ATP6V1H: variants seen among roughly 807,000 people sequenced by gnomAD.
The protein encoded by ATP6V1H is ATPase H+ transporting V1 subunit H, also known as V-type proton ATPase subunit H.
Under a neutral mutation model 71.7 loss-of-function variants are expected in ATP6V1H, and 39 were observed. That is an observed-to-expected ratio of 0.54 (90% CI 0.42 to 0.71). The LOEUF (loss-of-function observed/expected upper bound fraction) is 0.71, where lower values mean the gene tolerates loss of function less well. Ranked by LOEUF, ATP6V1H falls within the 30% of genes least tolerant of loss-of-function variation. The pLI, the probability that ATP6V1H is intolerant of heterozygous loss-of-function variation, is 0.00. For synonymous variants in ATP6V1H, 192 were observed against 199.3 expected (o/e 0.96, Z 0.31); for missense variants, 509 against 594.9 (o/e 0.86, Z 1.50).
intron 13 of ATP6V1H, among the ~76,000 whole-genome samples, chr8:53,726,963 G>A (rs911243732): frequency 2.0e-5 from 3 of 152,168 alleles, no homozygotes; most frequent in Admixed American, 6.5e-5. Context: ...ACACTTATTC[G>A]GCATGAATTG....
At position 53,804,500 on chromosome 8, in the gene ATP6V1H, T is replaced by C. The variant is rs139073921; in HGVS notation, c.580-2604A>G. Among the ~76,000 whole-genome samples the C allele has an allele frequency of 5.3e-5, 8 of 152,164 alleles. No individual in the cohort carries two copies. The East Asian group carries it at 1.6e-3, about 29-fold the overall frequency. ...GACCAGCCTGGCCAACATGGCAAAG[T>C]CCTGTCTCTACTAAACATACAAAAA... is the stretch of plus-strand genomic sequence containing the variant. On this transcript the variant is annotated intron_variant, in intron 7 of 13. Coordinates refer to ENST00000359530, the MANE Select transcript of ATP6V1H (RefSeq NM_015941.4).
chr8:53,796,506 C>A (rs1379506402), intron 8 of ATP6V1H, among the ~76,000 whole-genome samples: 7 of 143,280 alleles, frequency 4.9e-5, no homozygotes, highest in Admixed American at 6.8e-5. Context: ...GTTCAGAAAT[C>A]ATCAAATAAA....
chr8:53,754,747 G>A (rs1205189435), intron 12 of ATP6V1H, among the ~76,000 whole-genome samples: 1 of 152,228 alleles, frequency 6.6e-6, no homozygotes, highest in Non-Finnish European at 1.5e-5. Context: ...GTTTATCATT[G>A]CTGGGGCCAC....
chr8:53,757,862 G>C (rs1421158858), intron 11 of ATP6V1H, among the ~76,000 whole-genome samples: 2 of 152,152 alleles, frequency 1.3e-5, no homozygotes, highest in East Asian at 1.9e-4. Context: ...CATGTTAAAT[G>C]ACTTCAAGCC....
At chr8:53,779,894 C>T (rs1809039958) in intron 9 of ATP6V1H, among the ~76,000 whole-genome samples, 1 of 152,102 alleles carries the variant, frequency 6.6e-6, no homozygotes, top group African/African-American at 2.4e-5. Flanking sequence ...CTTGATGGCT[C>T]ACACCTATAA....
At chr8:53,747,279 T>C (rs1807634941) in intron 12 of ATP6V1H, among the ~76,000 whole-genome samples, 1 of 152,202 alleles carries the variant, frequency 6.6e-6, no homozygotes, top group Admixed American at 6.5e-5. Flanking sequence ...AGTTGCACAA[T>C]GCTACTTATA....
chr8:53,801,750 G>A (rs1465096178), intron 8 of ATP6V1H, 49 bp downstream of exon 8: 5 of 1,415,886 alleles, frequency 3.5e-6, no homozygotes, highest in Non-Finnish European at 5.0e-6. Flanking sequence ...AAATGTCAAG[G>A]AGAGATGCTT....
At chr8:53,762,015 C>T (rs1362750666) in intron 11 of ATP6V1H, among the ~76,000 whole-genome samples, 3 of 152,092 alleles carry the variant, frequency 2.0e-5, no homozygotes, top group South Asian at 2.1e-4. Context: ...CTATTTATAC[C>T]GGTATTTTTA....
At chr8:53,733,883 T>C (rs534998852) in intron 13 of ATP6V1H, among the ~76,000 whole-genome samples, 3 of 152,248 alleles carry the variant, frequency 2.0e-5, no homozygotes, top group African/African-American at 7.2e-5. Flanking sequence ...TTACACTATA[T>C]GCATCAGAGA....
At chr8:53,818,864 T>C (rs181363589) in intron 4 of ATP6V1H, among the ~76,000 whole-genome samples, 2 of 152,282 alleles carry the variant, frequency 1.3e-5, no homozygotes, top group Non-Finnish European at 2.9e-5. Flanking sequence ...TAAAGGTATA[T>C]ATAAACTTTT....
rs1233311790 is a variant in ATP6V1H at position 53,765,451 on chromosome 8, AACAACACACACACAC to A, written c.1175+4152_1175+4166del. Among the ~76,000 whole-genome samples, 225 of 93,152 alleles carry A rather than the reference AACAACACACACACAC, an allele frequency of 2.4e-3. 3 individuals carry two copies. The highest frequency in any genetic ancestry group is 8.0e-3 in the African/African-American group (182 of 22,668). 61.1% of individuals were successfully genotyped at this position (93,152 alleles called of 152,430 possible). Reference sequence around the variant, plus strand: ...GGGGAGGGTGGTGGACAACAACAACAACAACACACACACACACACACACACACACACACACACACA... The same window carrying A: ...GGGGAGGGTGGTGGACAACAACAACAACACACACACACACACACACACACA... On this transcript the variant is annotated intron_variant, in intron 11 of 13. Transcript: ENST00000359530.
chr8:53,717,430 A>G (rs1487747724), intron 13 of ATP6V1H, among the ~76,000 whole-genome samples: 1 of 152,248 alleles, frequency 6.6e-6, no homozygotes, highest in Non-Finnish European at 1.5e-5. Flanking sequence ...ATCCCAGGAC[A>G]TGAAAATGGG....
At chr8:53,839,594 C>T (rs1811280050) in intron 2 of ATP6V1H, 1 of 985,060 alleles carries the variant, frequency 1.0e-6, no homozygotes, top group African/African-American at 1.7e-5. Context: ...TAGCTTCTCT[C>T]TACCTCTAGA....
At chr8:53,825,249 C>T (rs949374284) in intron 4 of ATP6V1H, among the ~76,000 whole-genome samples, 1 of 152,006 alleles carries the variant, frequency 6.6e-6, no homozygotes, top group Non-Finnish European at 1.5e-5. Context: ...GTTGCCCAGG[C>T]TGGTTTCAAA....
intron 13 of ATP6V1H, among the ~76,000 whole-genome samples, chr8:53,721,991 A>G (rs1806636466): frequency 6.6e-6 from 1 of 152,262 alleles, no homozygotes; most frequent in Non-Finnish European, 1.5e-5. Context: ...ACAAAAATGT[A>G]CATTTTAAAA....
chr8:53,828,736 C>G (rs1372120624), intron 4 of ATP6V1H, among the ~76,000 whole-genome samples: 3 of 152,056 alleles, frequency 2.0e-5, no homozygotes, highest in African/African-American at 7.2e-5. Context: ...GAAAATTAGG[C>G]CATCAATAAA....
At chr8:53,801,702 A>G in intron 8 of ATP6V1H, 97 bp downstream of exon 8, 1 of 1,050,006 alleles carries the variant, frequency 9.5e-7, no homozygotes, top group South Asian at 1.6e-5. Flanking sequence ...TATGAAAAAA[A>G]TAAAATATTT....
intron 9 of ATP6V1H, among the ~76,000 whole-genome samples, chr8:53,783,228 T>C (rs953205891): frequency 3.3e-5 from 5 of 152,334 alleles, no homozygotes; most frequent in African/African-American, 1.2e-4. Flanking sequence ...GAGCCTGTTA[T>C]TGGTCTATTC....
At chr8:53,767,677 T>C (rs76506257) in intron 11 of ATP6V1H, among the ~76,000 whole-genome samples, 25,429 of 152,170 alleles carry the variant, frequency 0.17, 3,447 homozygotes, top group East Asian at 0.37. Flanking sequence ...CTATAGTCAA[T>C]TGATTTTCCA....
Sources: allele counts gnomAD v4.1 joint callset (sites outside exome capture counted in the v4.1 genomes callset), GRCh38; gene constraint gnomAD v4.1.1; transcripts MANE v1.5; gene names NCBI Gene and HGNC (gene_info 2026-07-23, HGNC 2026-07-21).